RBFOX1: variants seen among roughly 807,000 people sequenced by gnomAD.
The protein encoded by RBFOX1 is RNA binding fox-1 homolog 1.
RBFOX1 carries 8 observed loss-of-function variants against 57.7 expected under a neutral mutation model. The ratio of observed to expected loss-of-function variants is 0.14; its 90% CI spans 0.08 to 0.25. RBFOX1 has a LOEUF of 0.25. Among genes scored for constraint, RBFOX1 ranks in the 10% least tolerant of loss-of-function variants. The probability of loss-of-function intolerance (pLI) is 1.00; values close to 1 mark genes in which losing one functional copy is unlikely to be tolerated. For synonymous variants in RBFOX1, 326 were observed against 222.4 expected (o/e 1.47, Z -4.15); for missense variants, 611 against 548.5 (o/e 1.11, Z -1.14).
chr16:6,828,856 A>T (rs116480280), intron 3 of RBFOX1, among the ~76,000 whole-genome samples: 3 of 152,330 alleles, frequency 2.0e-5, no homozygotes, highest in Middle Eastern at 3.4e-3. Flanking sequence ...AGGAATTTTC[A>T]TAAGTATTCC....
At chr16:5,831,681 G>A (rs958558354) in intron 3 of RBFOX1, among the ~76,000 whole-genome samples, 12 of 151,820 alleles carry the variant, frequency 7.9e-5, no homozygotes, top group African/African-American at 2.9e-4. Flanking sequence ...TAGAGACGGG[G>A]TTTCACCATG....
chr16:6,100,627 G>A (rs751001133), intron 1 of RBFOX1, among the ~76,000 whole-genome samples: 13 of 152,128 alleles, frequency 8.5e-5, no homozygotes, highest in Non-Finnish European at 1.9e-4. Flanking sequence ...TATTTATTGA[G>A]TTGCTATAGT....
rs137979945 is a variant in RBFOX1 at position 6,991,196 on chromosome 16, A to C, written c.-15-60861A>C. The stretch of plus-strand genomic sequence containing the variant: ...GGCGTGTACCTTTAGTTCCAGTTAC[A>C]GAATGAGGCAGGAGAATTACTTGAG... On this transcript the variant is annotated intron_variant, in intron 3 of 15. Coordinates refer to ENST00000550418, the MANE Select transcript of RBFOX1 (RefSeq NM_018723.4). 9.9e-5 allele frequency among the ~76,000 whole-genome samples: 15 copies of C among 151,068 alleles called. 1 individual carries two copies. The highest frequency in any genetic ancestry group is 3.7e-4 in the African/African-American group (15 of 41,062).
At chr16:6,501,318 G>C (rs1273601163) in intron 2 of RBFOX1, among the ~76,000 whole-genome samples, 2 of 122,968 alleles carry the variant, frequency 1.6e-5, no homozygotes, top group African/African-American at 6.5e-5. Context: ...AGTCCCCGGT[G>C]TGTGATGTTC....
intron 4 of RBFOX1, among the ~76,000 whole-genome samples, chr16:7,293,264 T>G (rs1427601058): frequency 1.3e-5 from 2 of 152,164 alleles, no homozygotes; most frequent in African/African-American, 2.4e-5. Flanking sequence ...ACATGGAATT[T>G]GCATTGTATT....
chr16:6,408,949 A>G (rs1273073818), intron 2 of RBFOX1, among the ~76,000 whole-genome samples: 1 of 152,056 alleles, frequency 6.6e-6, no homozygotes, highest in African/African-American at 2.4e-5. Flanking sequence ...GTGTCGTTTT[A>G]CCACCCCTTC....
chr16:7,556,224 C>G (rs998159109), intron 5 of RBFOX1, among the ~76,000 whole-genome samples: 2 of 152,136 alleles, frequency 1.3e-5, no homozygotes, highest in Non-Finnish European at 2.9e-5. Context: ...CATGACGCAG[C>G]TCTTCGGTCA....
chr16:5,386,626 C>T (rs1332468748), intron 1 of RBFOX1, among the ~76,000 whole-genome samples: 2 of 152,182 alleles, frequency 1.3e-5, no homozygotes, highest in Non-Finnish European at 2.9e-5. Flanking sequence ...GGAGGTCCCA[C>T]TGCCTGGAAT....
At chr16:5,250,912 G>A (rs1190574597) in intron 1 of RBFOX1, among the ~76,000 whole-genome samples, 4 of 152,174 alleles carry the variant, frequency 2.6e-5, no homozygotes, top group Admixed American at 1.3e-4. Flanking sequence ...TGGATCAGAG[G>A]GGGATCTGTG....
intron 2 of RBFOX1, among the ~76,000 whole-genome samples, chr16:6,609,706 C>G (rs1332466185): frequency 2.6e-5 from 4 of 152,072 alleles, no homozygotes; most frequent in Admixed American, 2.6e-4. Context: ...ATAGATAACC[C>G]CCTTTAAAAA....
intron 5 of RBFOX1, among the ~76,000 whole-genome samples, chr16:7,572,149 A>G (rs1345076155): frequency 6.6e-6 from 1 of 152,158 alleles, no homozygotes; most frequent in Non-Finnish European, 1.5e-5. Context: ...ATGGTTATTA[A>G]TACTGTTAAT....
chr16:5,343,874 A>G (rs2065085871), intron 1 of RBFOX1, among the ~76,000 whole-genome samples: 1 of 152,128 alleles, frequency 6.6e-6, no homozygotes, highest in African/African-American at 2.4e-5. Context: ...AGGAGCTCTT[A>G]TTTTTGCAGT....
intron 2 of RBFOX1, among the ~76,000 whole-genome samples, chr16:6,320,483 G>C (rs924516584): frequency 1.3e-5 from 2 of 151,848 alleles, no homozygotes; most frequent in South Asian, 2.1e-4. Flanking sequence ...ACCCCTAAAA[G>C]TATTGAAATA....
At chr16:7,322,221 G>A (rs1278979902) in intron 4 of RBFOX1, among the ~76,000 whole-genome samples, 1 of 152,242 alleles carries the variant, frequency 6.6e-6, no homozygotes, top group Non-Finnish European at 1.5e-5. Flanking sequence ...ACAAGGGAAT[G>A]AAAGATGTGT....
At chr16:6,826,569 C>T (rs1436248631) in intron 3 of RBFOX1, among the ~76,000 whole-genome samples, 3 of 152,150 alleles carry the variant, frequency 2.0e-5, no homozygotes, top group South Asian at 2.1e-4. Context: ...GGCATGCGTG[C>T]TCTCACGTGC....
At chr16:6,070,979 T>C (rs2095830100) in intron 1 of RBFOX1, among the ~76,000 whole-genome samples, 1 of 152,202 alleles carries the variant, frequency 6.6e-6, no homozygotes, top group Non-Finnish European at 1.5e-5. Flanking sequence ...GTGAGCATTT[T>C]CTATACCCTA....
intron 3 of RBFOX1, among the ~76,000 whole-genome samples, chr16:6,976,778 C>G (rs2086988770): frequency 1.1e-5 from 1 of 90,768 alleles, no homozygotes; most frequent in Non-Finnish European, 2.3e-5. Context: ...TATGACATAT[C>G]AATATATTAT....
intron 1 of RBFOX1, chr16:5,366,307 ATG>A (rs2065713259): frequency 2.8e-6 from 1 of 356,730 alleles, no homozygotes; most frequent in Non-Finnish European, 5.4e-6. Context: ...TTTGATGATG[ATG>A]AAGATGATGA....
chr16:7,015,993 T>C lies in RBFOX1; in HGVS notation c.-15-36064T>C, dbSNP rs946489391. 1.3e-4 allele frequency among the ~76,000 whole-genome samples: 20 copies of C among 152,166 alleles called. 1 individual carries two copies. Among genetic ancestry groups the C allele is most frequent in the African/African-American group, 3.6e-4 (15 of 41,462 alleles). On this transcript the variant is annotated intron_variant, in intron 3 of 15. Transcript: ENST00000550418. ...GTGTGATAGGCAACACCAGTAGTTA[T>C]TGCTGTGTGGTGATAGGGTTTCTTT...
Sources: gnomAD v4.1 joint callset for allele counts (sites outside exome capture counted in the v4.1 genomes callset) on GRCh38, gnomAD v4.1.1 for gene constraint, MANE v1.5 for transcripts, NCBI Gene and HGNC (gene_info 2026-07-23, HGNC 2026-07-21) for gene names.